MCC: variants seen among roughly 807,000 people sequenced by gnomAD.
MCC encodes MCC regulator of Wnt signaling pathway, also known as colorectal mutant cancer protein.
MCC carries 90 observed loss-of-function variants against 116.2 expected under a neutral mutation model. The observed-to-expected ratio is 0.77, with a 90% CI of 0.65 to 0.92. The LOEUF is 0.92. Among genes scored for constraint, MCC ranks in the 40% least tolerant of loss-of-function variants. MCC has a pLI of 0.00. For synonymous variants in MCC, 578 were observed against 510.5 expected (o/e 1.13, Z -1.78); for missense variants, 1,516 against 1,312.2 (o/e 1.16, Z -2.40).
intron 1 of MCC, among the ~76,000 whole-genome samples, chr5:113,430,054 T>C (rs1770586255): frequency 6.6e-6 from 1 of 152,206 alleles, no homozygotes. Context: ...AGCCATAGAT[T>C]TCCCTTCTAT....
intron 2 of MCC, among the ~76,000 whole-genome samples, chr5:113,366,323 G>T (rs929261258): frequency 3.3e-5 from 5 of 150,446 alleles, no homozygotes; most frequent in Non-Finnish European, 5.9e-5. Context: ...ATCTTAGTAG[G>T]TTTTTTTTTA....
chr5:113,476,161 C>T (rs1444512219), intron 1 of MCC, among the ~76,000 whole-genome samples: 2 of 152,188 alleles, frequency 1.3e-5, no homozygotes, highest in Non-Finnish European at 2.9e-5. Context: ...TTATAAAACT[C>T]TCAGCTGTGT....
intron 3 of MCC, among the ~76,000 whole-genome samples, chr5:113,318,214 C>T (rs1342831979): frequency 6.6e-6 from 1 of 152,148 alleles, no homozygotes; most frequent in Non-Finnish European, 1.5e-5. Context: ...CTGTTATTGC[C>T]ATTTTGAGAT....
chr5:113,130,691 T>C (rs757044203), intron 5 of MCC, among the ~76,000 whole-genome samples: 1 of 151,796 alleles, frequency 6.6e-6, no homozygotes, highest in Admixed American at 6.6e-5. Context: ...GGAGAGCGAG[T>C]TGTTGAAAGA....
chr5:113,114,383 C>T (rs1197595957), intron 6 of MCC, among the ~76,000 whole-genome samples: 1 of 152,212 alleles, frequency 6.6e-6, no homozygotes, highest in Non-Finnish European at 1.5e-5. Context: ...GTAAGTGTGT[C>T]TTCCACATCC....
intron 1 of MCC, among the ~76,000 whole-genome samples, chr5:113,427,462 C>CT (rs1770514776): frequency 6.6e-6 from 1 of 152,176 alleles, no homozygotes; most frequent in African/African-American, 2.4e-5. Flanking sequence ...AAACAAAACT[C>CT]TGTTTGCCAA....
At chr5:113,193,557 C>T (rs754503776) in intron 3 of MCC, among the ~76,000 whole-genome samples, 1 of 152,140 alleles carries the variant, frequency 6.6e-6, no homozygotes, top group African/African-American at 2.4e-5. Flanking sequence ...GAATTCTCTC[C>T]GTATCTTGTC....
chr5:113,179,589 C>T (rs1009720337), intron 3 of MCC, among the ~76,000 whole-genome samples: 1 of 152,144 alleles, frequency 6.6e-6, no homozygotes, highest in Non-Finnish European at 1.5e-5. Context: ...CACACTGAAT[C>T]AATTTCTATT....
At chr5:113,043,709 G>T in intron 16 of MCC, 79 bp from the exon 17 acceptor site, 2 of 1,006,828 alleles carry the variant, frequency 2.0e-6, no homozygotes. Flanking sequence ...GAGCGCGGTA[G>T]GTGGCTCGTG....
At chr5:113,174,519 T>C (rs896590226) in intron 3 of MCC, among the ~76,000 whole-genome samples, 2 of 152,046 alleles carry the variant, frequency 1.3e-5, no homozygotes, top group Admixed American at 1.3e-4. Flanking sequence ...CACTGACATA[T>C]CCATACTTTG....
Position 113,424,067 on chromosome 5 carries a change from C to G in MCC, c.171-38855G>C, listed in dbSNP as rs575907660. ...TGTATTAGGAAGGGGAGGGAAGAAT[C>G]TCTCAGTGAAACAGCCCTCTTAGAT... On this transcript the variant is annotated intron_variant, in intron 1 of 18. Coordinates refer to ENST00000408903, the MANE Select transcript of MCC (RefSeq NM_001085377.2). 2.2e-4 allele frequency among the ~76,000 whole-genome samples: 34 copies of G among 151,204 alleles called. No homozygotes were observed. In the South Asian group the frequency reaches 6.1e-3, roughly 27 times the overall value.
intron 6 of MCC, among the ~76,000 whole-genome samples, chr5:113,112,463 T>C (rs930873708): frequency 6.6e-6 from 1 of 152,218 alleles, no homozygotes; most frequent in African/African-American, 2.4e-5. Flanking sequence ...ATGTGCTTGC[T>C]TCCCCTTCAC....
chr5:113,314,518 A>G (rs1767229827), intron 3 of MCC, among the ~76,000 whole-genome samples: 1 of 152,246 alleles, frequency 6.6e-6, no homozygotes, highest in Non-Finnish European at 1.5e-5. Context: ...CTGAGTGCTC[A>G]TGGTGACATG....
intron 5 of MCC, among the ~76,000 whole-genome samples, chr5:113,141,097 G>A (rs990670501): frequency 6.6e-6 from 1 of 152,160 alleles, no homozygotes; most frequent in African/African-American, 2.4e-5. Flanking sequence ...AACAAAAAAG[G>A]AAGAGAAAAG....
At position 113,101,504 on chromosome 5, in the gene MCC, A is replaced by C. The variant is rs1756407091; in HGVS notation, c.1398+235T>G. ...TCACTGCCCCGATGTAATTTTATCA[A>C]CCAGTCAGATTTAAGATTCCAGAGA... is the stretch of plus-strand genomic sequence containing the variant. On this transcript the variant is annotated intron_variant, in intron 8 of 18. Coordinates refer to ENST00000408903, the MANE Select transcript of MCC (RefSeq NM_001085377.2). 2.0e-5 allele frequency: 11 copies of C among 541,874 alleles called. No homozygotes were observed. The South Asian group carries it at 2.6e-4, about 13-fold the overall frequency. 33.6% of individuals were successfully genotyped at this position (541,874 alleles called of 1,614,324 possible). A position where few individuals can be genotyped will look rare whatever the true frequency, so the allele number is the denominator to read the frequency against.
chr5:113,036,900 T>G (rs970872063), intron 17 of MCC, among the ~76,000 whole-genome samples: 1 of 152,236 alleles, frequency 6.6e-6, no homozygotes, highest in African/African-American at 2.4e-5. Flanking sequence ...AGCAGTTTAT[T>G]TGCGTGCTAA....
intron 2 of MCC, among the ~76,000 whole-genome samples, chr5:113,373,133 C>G (rs1768880250): frequency 1.3e-5 from 2 of 151,274 alleles, no homozygotes; most frequent in Non-Finnish European, 2.9e-5. Flanking sequence ...GAGCCGAGAT[C>G]GCGCCACTGC....
chr5:113,163,080 C>T (rs1044182687), intron 3 of MCC, among the ~76,000 whole-genome samples: 3 of 152,142 alleles, frequency 2.0e-5, no homozygotes, highest in African/African-American at 7.2e-5. Context: ...TCCTAAACAG[C>T]CTGGAAACTG....
intron 1 of MCC, among the ~76,000 whole-genome samples, chr5:113,458,758 A>G (rs1415993055): frequency 2.0e-5 from 3 of 152,218 alleles, no homozygotes; most frequent in African/African-American, 7.2e-5. Context: ...GTGAGGGGTT[A>G]CACACAGAAA....
Sources: gnomAD v4.1 joint callset for allele counts (sites outside exome capture counted in the v4.1 genomes callset) on GRCh38, gnomAD v4.1.1 for gene constraint, MANE v1.5 for transcripts, NCBI Gene and HGNC (gene_info 2026-07-23, HGNC 2026-07-21) for gene names.